CSTPP1: variants seen among roughly 807,000 people sequenced by gnomAD.
The protein encoded by CSTPP1 is centriolar satellite-associated tubulin polyglutamylase complex regulator 1.
At chr11:47,115,870 T>C in the CSTPP1 span, among the ~76,000 whole-genome samples, 1 of 152,200 alleles carries the variant, frequency 6.6e-6, no homozygotes, top group Non-Finnish European at 1.5e-5. Flanking sequence ...CTTTTGAATT[T>C]GTTTGCTCTT....
chr11:47,052,268 T>C, the CSTPP1 span: 1 of 1,285,678 alleles, frequency 7.8e-7, no homozygotes, highest in South Asian at 1.5e-5. Context: ...AGTTCAGAGT[T>C]TTGTTGGGGA....
At chr11:46,939,927 G>GT in the CSTPP1 span, among the ~76,000 whole-genome samples, 1 of 152,028 alleles carries the variant, frequency 6.6e-6, no homozygotes, top group African/African-American at 2.4e-5. Context: ...CTGGAGTGCA[G>GT]TGGCACCATC....
the CSTPP1 span, among the ~76,000 whole-genome samples, chr11:47,088,975 A>C: frequency 1.3e-5 from 2 of 152,352 alleles, no homozygotes; most frequent in Admixed American, 1.3e-4. Context: ...ATGTACATTT[A>C]AATATAAGTA....
chr11:47,023,402 T>C, the CSTPP1 span: 1 of 154,632 alleles, frequency 6.5e-6, no homozygotes, highest in African/African-American at 2.4e-5. Context: ...ATGGTGAGTA[T>C]CCTGGGGACT....
At chr11:47,108,559 A>G in the CSTPP1 span, among the ~76,000 whole-genome samples, 3 of 152,048 alleles carry the variant, frequency 2.0e-5, no homozygotes. Flanking sequence ...TTTTGCAAAC[A>G]CATTCCATCT....
chr11:46,941,333 C>T, the CSTPP1 span, among the ~76,000 whole-genome samples: 1 of 152,070 alleles, frequency 6.6e-6, no homozygotes, highest in Non-Finnish European at 1.5e-5. Context: ...CCTATTCACC[C>T]TCAATTTTTT....
At chr11:47,131,230 C>T in the CSTPP1 span, among the ~76,000 whole-genome samples, 2 of 152,176 alleles carry the variant, frequency 1.3e-5, no homozygotes, top group African/African-American at 4.8e-5. Flanking sequence ...TTTAGTGACA[C>T]CACTGTGATC....
the CSTPP1 span, among the ~76,000 whole-genome samples, chr11:47,067,469 C>T: frequency 6.6e-6 from 1 of 152,052 alleles, no homozygotes; most frequent in Admixed American, 6.6e-5. Flanking sequence ...TGAAGAAATT[C>T]CTCCTGTAAG....
the CSTPP1 span, among the ~76,000 whole-genome samples, chr11:46,946,659 A>T: frequency 6.6e-6 from 1 of 152,260 alleles, no homozygotes; most frequent in Non-Finnish European, 1.5e-5. Context: ...CTCCATCTCA[A>T]AAATAAGTAA....
chr11:46,965,220 CT>C, the CSTPP1 span, among the ~76,000 whole-genome samples: 18 of 115,828 alleles, frequency 1.6e-4, no homozygotes, highest in Admixed American at 2.4e-4. Context: ...ACACAAACAG[CT>C]TTTTTTTTTT....
At chr11:47,144,472 G>A in the CSTPP1 span, among the ~76,000 whole-genome samples, 6 of 152,096 alleles carry the variant, frequency 3.9e-5, no homozygotes, top group African/African-American at 1.2e-4. Context: ...TTACAGGCAT[G>A]AGCCACCACG....
chr11:47,008,631 G>A, the CSTPP1 span, among the ~76,000 whole-genome samples: 1 of 152,090 alleles, frequency 6.6e-6, no homozygotes. Flanking sequence ...GTGAACCACT[G>A]TGCCTAGCCA....
the CSTPP1 span, chr11:47,137,355 T>A: frequency 6.9e-7 from 1 of 1,446,394 alleles, no homozygotes; most frequent in Non-Finnish European, 9.2e-7. Context: ...AGAAGACTGA[T>A]GAAGGTGCCT....
the CSTPP1 span, among the ~76,000 whole-genome samples, chr11:46,977,415 G>A: frequency 2.0e-5 from 3 of 152,182 alleles, no homozygotes; most frequent in Admixed American, 1.3e-4. Flanking sequence ...TGCTGACTCC[G>A]CCTGAAAAAT....
the CSTPP1 span, among the ~76,000 whole-genome samples, chr11:46,953,507 G>A: frequency 6.6e-6 from 1 of 152,116 alleles, no homozygotes; most frequent in African/African-American, 2.4e-5. Flanking sequence ...CTATTTTGAA[G>A]TTGGGAGTCA....
chr11:46,974,051 C>A, the CSTPP1 span, among the ~76,000 whole-genome samples: 1 of 151,890 alleles, frequency 6.6e-6, no homozygotes, highest in South Asian at 2.1e-4. Context: ...ATAGCAAGAC[C>A]CTGTCTCTAC....
chr11:47,036,037 A>AAAAGTGGGATAGTGGAATGCACCAC, the CSTPP1 span, among the ~76,000 whole-genome samples: 2 of 34,800 alleles, frequency 5.7e-5, no homozygotes, highest in East Asian at 3.3e-4. Flanking sequence ...GTGAAAAGAT[A>AAAAGTGGGATAGTGGAATGCACCAC]TATATATATA....
chr11:47,122,118 A>G, the CSTPP1 span, among the ~76,000 whole-genome samples: 2 of 132,142 alleles, frequency 1.5e-5, no homozygotes, highest in Non-Finnish European at 3.2e-5. Flanking sequence ...ATATATATAT[A>G]TTAGAAAAAT....
the CSTPP1 span, among the ~76,000 whole-genome samples, chr11:47,021,759 A>G: frequency 2.6e-5 from 4 of 152,224 alleles, no homozygotes; most frequent in Non-Finnish European, 4.4e-5. Context: ...GGGGCTCTCA[A>G]GAAAGATAAA....
Sources: allele counts gnomAD v4.1 joint callset (sites outside exome capture counted in the v4.1 genomes callset), GRCh38; gene constraint gnomAD v4.1.1; transcripts MANE v1.5; gene names NCBI Gene and HGNC (gene_info 2026-07-23, HGNC 2026-07-21).